Variants in RPH3A observed in about 807,000 individuals in gnomAD.
The protein encoded by RPH3A is rabphilin-3A.
RPH3A carries 48 observed loss-of-function variants against 102.2 expected under a neutral mutation model. The ratio of observed to expected loss-of-function variants is 0.47; its 90% CI spans 0.37 to 0.60. RPH3A has a LOEUF of 0.60. Among genes scored for constraint, RPH3A ranks in the 20% least tolerant of loss-of-function variants. RPH3A has a pLI of 0.00. For missense variants in RPH3A, 781 were observed against 910.1 expected, an observed-to-expected ratio of 0.86 and a Z score of 1.83; for synonymous variants, 310 against 324.3, an observed-to-expected ratio of 0.96 and a Z score of 0.47.
chr12:112,735,247 C>G (rs1183054694), intron 1 of RPH3A, among the ~76,000 whole-genome samples: 1 of 152,224 alleles, frequency 6.6e-6, no homozygotes, highest in African/African-American at 2.4e-5. Context: ...GCCGGATTCA[C>G]TGGGAGGTTA....
At chr12:112,784,229 C>T (rs940483648) in intron 1 of RPH3A, among the ~76,000 whole-genome samples, 1 of 152,188 alleles carries the variant, frequency 6.6e-6, no homozygotes, top group Non-Finnish European at 1.5e-5. Flanking sequence ...GACATCTGAA[C>T]TTTCTCCTCA....
At position 112,741,248 on chromosome 12, in the gene RPH3A, G is replaced by A. The variant is rs117568459; in HGVS notation, c.-139-50895G>A. ...GTACATTTCCTTAGCCTCTCCCACC[G>A]TAGGAATTTTCTCATCAATTGCCTT... On this transcript the variant is annotated intron_variant, in intron 1 of 21. Coordinates refer to the RPH3A transcript ENST00000543106. 5.7e-3 allele frequency among the ~76,000 whole-genome samples: 866 copies of A among 152,236 alleles called. 3 individuals are homozygous for A. Among genetic ancestry groups the A allele is most frequent in the African/African-American group, 0.016 (651 of 41,548 alleles).
At chr12:112,878,807 C>T (rs920587796) in intron 13 of RPH3A, among the ~76,000 whole-genome samples, 1 of 152,180 alleles carries the variant, frequency 6.6e-6, no homozygotes, top group African/African-American at 2.4e-5. Flanking sequence ...GATTATGTGC[C>T]ATGTGTTGTG....
At chr12:112,714,563 G>A (rs2040501724) in intron 1 of RPH3A, among the ~76,000 whole-genome samples, 1 of 152,210 alleles carries the variant, frequency 6.6e-6, no homozygotes, top group South Asian at 2.1e-4. Context: ...TGAATAAGAG[G>A]CATTTGATTG....
At chr12:112,894,991 T>C (rs2043156048) in intron 20 of RPH3A, among the ~76,000 whole-genome samples, 1 of 152,180 alleles carries the variant, frequency 6.6e-6, no homozygotes, top group Non-Finnish European at 1.5e-5. Flanking sequence ...TGGGGGTTCT[T>C]CTTTGTTTTA....
At chr12:112,792,972 C>T (rs2041153883) in intron 2 of RPH3A, among the ~76,000 whole-genome samples, 2 of 151,718 alleles carry the variant, frequency 1.3e-5, no homozygotes, top group South Asian at 4.2e-4. Context: ...TATGGGGGAG[C>T]GTCCTGGCAC....
chr12:112,889,032 T>C (rs544637810), intron 17 of RPH3A, among the ~76,000 whole-genome samples: 1 of 152,360 alleles, frequency 6.6e-6, no homozygotes, highest in East Asian at 1.9e-4. Flanking sequence ...AGGGAAGCTA[T>C]GGGGTGCAGG....
At chr12:112,764,009 T>C (rs1217369368) in intron 1 of RPH3A, among the ~76,000 whole-genome samples, 4 of 152,122 alleles carry the variant, frequency 2.6e-5, no homozygotes, top group Admixed American at 2.0e-4. Flanking sequence ...ATCTTCTGCC[T>C]AAGGGCAGCC....
At chr12:112,654,851 A>G (rs1280496234) in intron 1 of RPH3A, among the ~76,000 whole-genome samples, 1 of 152,186 alleles carries the variant, frequency 6.6e-6, no homozygotes, top group Non-Finnish European at 1.5e-5. Context: ...TGATATTGGG[A>G]TGAAGATCAC....
intron 1 of RPH3A, among the ~76,000 whole-genome samples, chr12:112,654,481 C>T (rs1293203718): frequency 6.6e-6 from 1 of 152,078 alleles, no homozygotes; most frequent in South Asian, 2.1e-4. Flanking sequence ...TCTAGGAGCT[C>T]CTCAGTGTCA....
At chr12:112,837,515 A>G (rs892682735) in intron 4 of RPH3A, among the ~76,000 whole-genome samples, 1 of 152,154 alleles carries the variant, frequency 6.6e-6, no homozygotes, top group African/African-American at 2.4e-5. Flanking sequence ...CAGGAGACCC[A>G]GGAAAATTCT....
At chr12:112,668,707 C>T (rs767651774) in intron 1 of RPH3A, among the ~76,000 whole-genome samples, 2 of 152,030 alleles carry the variant, frequency 1.3e-5, no homozygotes, top group Non-Finnish European at 2.9e-5. Context: ...ACCTAATGCA[C>T]ATGGGGCTTA....
intron 1 of RPH3A, among the ~76,000 whole-genome samples, chr12:112,724,716 C>G: frequency 6.6e-6 from 1 of 152,222 alleles, no homozygotes; most frequent in East Asian, 1.9e-4. Flanking sequence ...CGCCTGTAAT[C>G]CTAGCACTTT....
intron 1 of RPH3A, among the ~76,000 whole-genome samples, chr12:112,583,570 A>AG (rs1299083159): frequency 6.6e-6 from 1 of 152,216 alleles, no homozygotes; most frequent in Non-Finnish European, 1.5e-5. Flanking sequence ...CCTAATGTCT[A>AG]GCGGCAGCTC....
At chr12:112,655,776 T>G (rs1384503197) in intron 1 of RPH3A, among the ~76,000 whole-genome samples, 1 of 152,026 alleles carries the variant, frequency 6.6e-6, no homozygotes, top group Non-Finnish European at 1.5e-5. Context: ...TTTTGCCATT[T>G]TGACCAGGCT....
chr12:112,664,158 G>A (rs997626870), intron 1 of RPH3A, among the ~76,000 whole-genome samples: 1 of 152,130 alleles, frequency 6.6e-6, no homozygotes, highest in Admixed American at 6.5e-5. Context: ...AAACCTTAGA[G>A]AGGGGTACAA....
At chr12:112,723,723 A>C (rs1335108616) in intron 1 of RPH3A, among the ~76,000 whole-genome samples, 1 of 152,206 alleles carries the variant, frequency 6.6e-6, no homozygotes, top group East Asian at 1.9e-4. Flanking sequence ...GGAGATGATT[A>C]TTGTCACATG....
chr12:112,828,441 T>C, intron 3 of RPH3A, 52 bp downstream of exon 3: 1 of 1,352,628 alleles, frequency 7.4e-7, no homozygotes, highest in Non-Finnish European at 1.0e-6. Flanking sequence ...GATGAGGTTT[T>C]GACAATTCTA....
At chr12:112,580,470 C>T (rs886927051) in intron 1 of RPH3A, among the ~76,000 whole-genome samples, 3 of 138,544 alleles carry the variant, frequency 2.2e-5, no homozygotes, top group African/African-American at 8.1e-5. Context: ...GTGGCGCGAT[C>T]TCGGCTCACT....
Sources: gnomAD v4.1 joint callset for allele counts (sites outside exome capture counted in the v4.1 genomes callset) on GRCh38, gnomAD v4.1.1 for gene constraint, MANE v1.5 for transcripts, NCBI Gene and HGNC (gene_info 2026-07-23, HGNC 2026-07-21) for gene names.